The following COX7B2 variants were observed in gnomAD, a reference collection of about 807,000 sequenced individuals.
The protein encoded by COX7B2 is cytochrome c oxidase subunit 7B2, mitochondrial.
For missense variants in COX7B2, 109 were observed against 95.9 expected, an observed-to-expected ratio of 1.14 and a Z score of -0.57; for synonymous variants, 37 against 32.1, an observed-to-expected ratio of 1.15 and a Z score of -0.51.
chr4:46,812,776 T>C lies in COX7B2; in HGVS notation c.-50+32184A>G, dbSNP rs1218471421. 2.6e-5 allele frequency among the ~76,000 whole-genome samples: 4 copies of C among 152,264 alleles called. No individual in the cohort carries two copies. The East Asian group carries it at 5.8e-4, about 22-fold the overall frequency. On this transcript the variant is annotated intron_variant, in intron 2 of 2. Coordinates refer to ENST00000355591, the MANE Select transcript of COX7B2 (RefSeq NM_130902.3). Reference sequence around the variant, plus strand: ...TGATTCCCTGGGACTAAAGGCACTGTGTCTGTTTAGCCCCAGAAAGTGCAG... The same window carrying C: ...TGATTCCCTGGGACTAAAGGCACTGCGTCTGTTTAGCCCCAGAAAGTGCAG...
intron 2 of COX7B2, among the ~76,000 whole-genome samples, chr4:46,825,069 C>A (rs1714591093): frequency 6.6e-6 from 1 of 151,772 alleles, no homozygotes; most frequent in African/African-American, 2.4e-5. Context: ...TAAAACGAAT[C>A]CAAATATGAA....
At chr4:46,901,928 T>C (rs1720089877) in intron 1 of COX7B2, among the ~76,000 whole-genome samples, 1 of 152,224 alleles carries the variant, frequency 6.6e-6, no homozygotes, top group South Asian at 2.1e-4. Flanking sequence ...TCCGTCTGAA[T>C]AACACTATCA....
At position 46,794,734 on chromosome 4, in the gene COX7B2, AAACAGCAATAATAAT is replaced by A. The variant is rs1468686038; in HGVS notation, c.-50+50211_-50+50225del. 2.6e-5 allele frequency among the ~76,000 whole-genome samples: 4 copies of A among 152,268 alleles called. No homozygotes were observed. The East Asian group carries it at 5.8e-4, about 22-fold the overall frequency. ...ATTACTATGATGGAGAGCAGAGTCA[AAACAGCAATAATAAT>A]AATCTGACTCACACAGACTTATGGT... On this transcript the variant is annotated intron_variant, in intron 2 of 2. Transcript: ENST00000355591.
At chr4:46,850,261 AAATGATTTAAAAAT>A (rs1401888033) in intron 1 of COX7B2, among the ~76,000 whole-genome samples, 3 of 151,898 alleles carry the variant, frequency 2.0e-5, no homozygotes, top group Non-Finnish European at 2.9e-5. Context: ...AAATGATTTA[AAATGATTTAAAAAT>A]AATGATTTAA....
chr4:46,762,822 C>T lies in COX7B2; in HGVS notation c.-49-27581G>A, dbSNP rs956477011. Among the ~76,000 whole-genome samples the T allele has an allele frequency of 1.4e-4, 21 of 148,392 alleles. 1 individual carries two copies. The highest frequency in any genetic ancestry group is 5.2e-4 in the African/African-American group (21 of 40,448). On this transcript the variant is annotated intron_variant, in intron 2 of 2. Transcript: ENST00000355591. ...GGGAACAAGGAAAGTTTGCACCCTG[C>T]TCAAGGTCACATAATTAATAAAGTT...
chr4:46,782,197 T>A (rs1717499922), intron 2 of COX7B2, among the ~76,000 whole-genome samples: 1 of 152,108 alleles, frequency 6.6e-6, no homozygotes, highest in Admixed American at 6.6e-5. Flanking sequence ...ACTCTGTGTC[T>A]AGGTCAGGGT....
intron 2 of COX7B2, among the ~76,000 whole-genome samples, chr4:46,840,684 C>A (rs914369726): frequency 2.0e-5 from 3 of 151,972 alleles, no homozygotes; most frequent in Admixed American, 2.0e-4. Flanking sequence ...ATAAATAATG[C>A]TTTTCCTGAA....
chr4:46,821,363 C>T (rs1001317837), intron 2 of COX7B2, among the ~76,000 whole-genome samples: 4 of 152,208 alleles, frequency 2.6e-5, no homozygotes, highest in South Asian at 2.1e-4. Flanking sequence ...TTGAAGTTTG[C>T]GGCAAATCCC....
intron 1 of COX7B2, among the ~76,000 whole-genome samples, chr4:46,902,414 T>C (rs1024268062): frequency 6.6e-6 from 1 of 152,184 alleles, no homozygotes; most frequent in Non-Finnish European, 1.5e-5. Context: ...ACCAATAATC[T>C]GCAGCATTTT....
intron 2 of COX7B2, among the ~76,000 whole-genome samples, chr4:46,797,938 A>G (rs1178058652): frequency 6.6e-6 from 1 of 152,180 alleles, no homozygotes; most frequent in African/African-American, 2.4e-5. Context: ...AGGCAACAAT[A>G]TAACTTCACT....
intron 2 of COX7B2, among the ~76,000 whole-genome samples, chr4:46,775,032 G>T (rs1717075709): frequency 6.6e-6 from 1 of 152,028 alleles, no homozygotes; most frequent in Non-Finnish European, 1.5e-5. Flanking sequence ...TTAGGTTTCT[G>T]TGGATTTTCT....
At chr4:46,881,706 A>C (rs1718756234) in intron 1 of COX7B2, among the ~76,000 whole-genome samples, 1 of 152,132 alleles carries the variant, frequency 6.6e-6, no homozygotes, top group Non-Finnish European at 1.5e-5. Context: ...TGGGCGATAG[A>C]TCCATCTCAA....
At chr4:46,831,336 G>C (rs867693618) in intron 2 of COX7B2, among the ~76,000 whole-genome samples, 6 of 151,912 alleles carry the variant, frequency 3.9e-5, no homozygotes, top group African/African-American at 1.4e-4. Flanking sequence ...CTCCCACCCC[G>C]CCATGGGCTC....
chr4:46,845,646 T>C (rs966247150), intron 1 of COX7B2, among the ~76,000 whole-genome samples: 3 of 151,784 alleles, frequency 2.0e-5, no homozygotes, highest in Non-Finnish European at 4.4e-5. Context: ...CTCAAGGATG[T>C]AGGGACACAG....
At chr4:46,811,190 C>A (rs1046530812) in intron 2 of COX7B2, among the ~76,000 whole-genome samples, 1 of 152,118 alleles carries the variant, frequency 6.6e-6, no homozygotes, top group African/African-American at 2.4e-5. Context: ...ATGTCCATAT[C>A]TCTTCCCAGA....
intron 1 of COX7B2, among the ~76,000 whole-genome samples, chr4:46,845,821 T>C (rs1716242153): frequency 6.6e-6 from 1 of 152,000 alleles, no homozygotes; most frequent in South Asian, 2.1e-4. Context: ...TGTACATGTT[T>C]GGTGAGAGGC....
At chr4:46,740,707 TAATGATCTA>T (rs1714655484) in intron 2 of COX7B2, among the ~76,000 whole-genome samples, 1 of 151,880 alleles carries the variant, frequency 6.6e-6, no homozygotes, top group South Asian at 2.1e-4. Context: ...AAAAAGAAAA[TAATGATCTA>T]AATTAAGTAC....
At position 46,821,891 on chromosome 4, in the gene COX7B2, A is replaced by AT. The variant is rs917011231; in HGVS notation, c.-50+23068dup. Among the ~76,000 whole-genome samples, 723 of 150,786 alleles carry AT rather than the reference A, an allele frequency of 4.8e-3. 5 individuals are homozygous for AT. Among genetic ancestry groups the AT allele is most frequent in the African/African-American group, 0.017 (680 of 41,084 alleles). On this transcript the variant is annotated intron_variant, in intron 2 of 2. Transcript: ENST00000355591. ...TACAGTAGAGGTACAGAGGTTATTC[A>AT]TTTTTTTTTGTTTGTTTTGTTTGTT...
At chr4:46,780,957 T>C (rs1445252156) in intron 2 of COX7B2, among the ~76,000 whole-genome samples, 1 of 152,208 alleles carries the variant, frequency 6.6e-6, no homozygotes, top group African/African-American at 2.4e-5. Flanking sequence ...ATCAAAAATA[T>C]GAAAATATGT....
Sources: gnomAD v4.1 joint callset for allele counts (sites outside exome capture counted in the v4.1 genomes callset) on GRCh38, gnomAD v4.1.1 for gene constraint, MANE v1.5 for transcripts, NCBI Gene and HGNC (gene_info 2026-07-23, HGNC 2026-07-21) for gene names.